The following GALNTL5 variants were observed in gnomAD, a reference collection of about 807,000 sequenced individuals.
GALNTL5 encodes polypeptide N-acetylgalactosaminyltransferase like 5, also known as inactive polypeptide N-acetylgalactosaminyltransferase-like protein 5.
In GALNTL5, 44 loss-of-function variants were observed where a neutral mutation model predicts 51.0. The observed-to-expected ratio is 0.86, with a 90% CI of 0.68 to 1.11. GALNTL5 has a LOEUF of 1.11. Ranked by LOEUF, GALNTL5 falls within the 50% of genes least tolerant of loss-of-function variation. The pLI is 0.00. For missense variants in GALNTL5, 528 were observed against 531.8 expected (o/e 0.99, Z 0.07); for synonymous variants, 192 against 182.8 (o/e 1.05, Z -0.41).
At chr7:151,964,244 A>T (rs73473880) in intron 1 of GALNTL5, among the ~76,000 whole-genome samples, 3,037 of 152,246 alleles carry the variant, frequency 0.02, 76 homozygotes, top group African/African-American at 0.063. Context: ...TTACCTCTTT[A>T]AAAGCTCTGT....
At chr7:152,014,470 G>A (rs1012943446) in intron 7 of GALNTL5, among the ~76,000 whole-genome samples, 174 bp from the exon 8 acceptor site, 17 of 152,068 alleles carry the variant, frequency 1.1e-4, no homozygotes, top group African/African-American at 2.4e-4. Context: ...GTTTCACCAC[G>A]TTGGCCAGGC....
intron 6 of GALNTL5, among the ~76,000 whole-genome samples, chr7:152,007,070 A>T (rs1183234444): frequency 6.6e-6 from 1 of 152,120 alleles, no homozygotes; most frequent in East Asian, 1.9e-4. Context: ...CCCAGCTGTG[A>T]CTATTTTCAA....
chr7:151,983,663 G>A (rs2151947500), intron 4 of GALNTL5, among the ~76,000 whole-genome samples: 1 of 152,266 alleles, frequency 6.6e-6, no homozygotes, highest in East Asian at 1.9e-4. Context: ...CTTCCATAAG[G>A]CAAACATAGG....
At chr7:151,978,091 C>G (rs2081229876) in intron 3 of GALNTL5, among the ~76,000 whole-genome samples, 1 of 151,774 alleles carries the variant, frequency 6.6e-6, no homozygotes, top group Non-Finnish European at 1.5e-5. Flanking sequence ...GTTTTTCTTG[C>G]TAGTTTATAA....
intron 4 of GALNTL5, among the ~76,000 whole-genome samples, 182 bp downstream of exon 4, chr7:151,983,334 C>T (rs927593058): frequency 1.1e-4 from 16 of 152,070 alleles, no homozygotes; most frequent in South Asian, 2.1e-4. Context: ...CATGCCACCA[C>T]GCCCGGCTAA....
At chr7:151,962,654 A>T (rs1049985757) in intron 1 of GALNTL5, among the ~76,000 whole-genome samples, 4 of 151,022 alleles carry the variant, frequency 2.6e-5, no homozygotes, top group Non-Finnish European at 5.9e-5. Context: ...TGTCTCCCAG[A>T]CTGGAGTGCA....
intron 5 of GALNTL5, among the ~76,000 whole-genome samples, chr7:151,991,281 C>T (rs4726128): frequency 0.86 from 131,193 of 152,062 alleles, 57,359 homozygotes; most frequent in Non-Finnish European, 0.95. Context: ...TTAGTAGAGA[C>T]GGGGTTTCGC....
chr7:151,995,718 G>A (rs2081491317), intron 5 of GALNTL5, among the ~76,000 whole-genome samples: 1 of 151,550 alleles, frequency 6.6e-6, no homozygotes, highest in Non-Finnish European at 1.5e-5. Flanking sequence ...ACAGCAATTA[G>A]GACAAATAAA....
chr7:151,960,892 T>A (rs2080983833), intron 1 of GALNTL5, among the ~76,000 whole-genome samples: 1 of 152,142 alleles, frequency 6.6e-6, no homozygotes, highest in African/African-American at 2.4e-5. Flanking sequence ...TCAAGTCTCT[T>A]TGAGGGGACA....
chr7:151,982,645 AAAG>A (rs1243186271), intron 3 of GALNTL5, among the ~76,000 whole-genome samples: 1 of 152,118 alleles, frequency 6.6e-6, no homozygotes, highest in Non-Finnish European at 1.5e-5. Flanking sequence ...AAAAAAAAAA[AAAG>A]ATAAAACTAA....
At chr7:151,998,734 T>C (rs745897654) in intron 5 of GALNTL5, among the ~76,000 whole-genome samples, 6 of 146,140 alleles carry the variant, frequency 4.1e-5, no homozygotes, top group Non-Finnish European at 8.9e-5. Flanking sequence ...ATCATGCTAC[T>C]GCACTCCAGC....
chr7:151,970,144 T>C (rs1471459424), intron 2 of GALNTL5, among the ~76,000 whole-genome samples: 2 of 79,722 alleles, frequency 2.5e-5, no homozygotes, highest in Admixed American at 3.0e-4. Flanking sequence ...GGGGAGGGGG[T>C]AGTTGGGGGG....
intron 5 of GALNTL5, 46 bp downstream of exon 5, chr7:151,987,327 A>G (rs1006787640): frequency 6.6e-7 from 1 of 1,518,066 alleles, no homozygotes. Flanking sequence ...CGTCACAGAG[A>G]TCTTCCCTTC....
chr7:151,966,693 A>C (rs370741365), intron 1 of GALNTL5, among the ~76,000 whole-genome samples: 183 of 152,334 alleles, frequency 1.2e-3, no homozygotes, highest in African/African-American at 4.1e-3. Context: ...CTAAGGATGG[A>C]ATTGCTTTGT....
chr7:151,989,812 A>G (rs1004721372), intron 5 of GALNTL5, among the ~76,000 whole-genome samples: 7 of 152,156 alleles, frequency 4.6e-5, no homozygotes, highest in African/African-American at 1.7e-4. Context: ...TGGTATTACC[A>G]GCCATCAAAT....
intron 5 of GALNTL5, among the ~76,000 whole-genome samples, chr7:151,991,182 T>TC (rs2151951272): frequency 6.6e-6 from 1 of 152,222 alleles, no homozygotes; most frequent in South Asian, 2.1e-4. Context: ...AACCTCAGCC[T>TC]CCCGGGTTCA....
At chr7:151,970,529 C>T (rs770957892) in intron 2 of GALNTL5, 1 of 179,500 alleles carries the variant, frequency 5.6e-6, no homozygotes, top group Non-Finnish European at 1.2e-5. Flanking sequence ...AATGAGCTCT[C>T]CTTCTATTAG....
chr7:152,017,756 G>T (rs1218260055), intron 8 of GALNTL5, among the ~76,000 whole-genome samples: 2 of 151,972 alleles, frequency 1.3e-5, no homozygotes, highest in Non-Finnish European at 2.9e-5. Flanking sequence ...TACCAAAATT[G>T]ATCCCATTAA....
intron 1 of GALNTL5, among the ~76,000 whole-genome samples, chr7:151,958,399 C>A (rs925185836): frequency 6.6e-6 from 1 of 152,338 alleles, no homozygotes; most frequent in Non-Finnish European, 1.5e-5. Flanking sequence ...AGATGCCAAC[C>A]GCCACAGAGC....
Sources: allele counts gnomAD v4.1 joint callset (sites outside exome capture counted in the v4.1 genomes callset), GRCh38; gene constraint gnomAD v4.1.1; transcripts MANE v1.5; gene names NCBI Gene and HGNC (gene_info 2026-07-23, HGNC 2026-07-21).